ATP8B4: variants seen among roughly 807,000 people sequenced by gnomAD.
ATP8B4 encodes ATPase phospholipid transporting 8B4 (putative).
A neutral mutation model predicts 145.6 loss-of-function variants in ATP8B4; 133 were observed. That is an observed-to-expected ratio of 0.91 (90% CI 0.79 to 1.05). The LOEUF (loss-of-function observed/expected upper bound fraction) is 1.05, where lower values mean the gene tolerates loss of function less well. ATP8B4 is among the 50% of genes least tolerant of loss of function. The pLI, the probability that ATP8B4 is intolerant of heterozygous loss-of-function variation, is 0.00. For missense variants in ATP8B4, 1,458 were observed against 1,425.2 expected (o/e 1.02, Z -0.37); for synonymous variants, 507 against 492.9 (o/e 1.03, Z -0.38).
chr15:49,925,511 G>A (rs1268301222), intron 16 of ATP8B4, among the ~76,000 whole-genome samples: 1 of 152,094 alleles, frequency 6.6e-6, no homozygotes, highest in Non-Finnish European at 1.5e-5. Flanking sequence ...AGTTCCCTAA[G>A]GTTCCCTGGA....
chr15:50,135,950 T>C (rs1311506130), intron 1 of ATP8B4, among the ~76,000 whole-genome samples: 3 of 152,208 alleles, frequency 2.0e-5, no homozygotes. Flanking sequence ...TCATGTACAT[T>C]TCAATGAAAG....
chr15:49,865,831 CCTGA>C (rs755434307), intron 26 of ATP8B4, among the ~76,000 whole-genome samples: 2 of 152,278 alleles, frequency 1.3e-5, no homozygotes, highest in East Asian at 1.9e-4. Flanking sequence ...GCGCTTGAAC[CCTGA>C]CTGACTAACT....
rs146459140 is a variant in ATP8B4, at chr15:50,073,262, T to C, written c.87+865A>G. 2.0e-4 allele frequency among the ~76,000 whole-genome samples: 30 copies of C among 151,922 alleles called. 2 individuals are homozygous for C. The East Asian group carries it at 5.8e-3, about 30-fold the overall frequency. On this transcript the variant is annotated intron_variant, in intron 3 of 27. Coordinates refer to ENST00000284509, the MANE Select transcript of ATP8B4 (RefSeq NM_024837.4). ...CTCCCTAGGCCCTGACAGGCTCTGCTGTGTGATGTTCCTCTCCCTGAGTCC... is the reference window on the plus strand; with the variant it reads ...CTCCCTAGGCCCTGACAGGCTCTGCCGTGTGATGTTCCTCTCCCTGAGTCC...
chr15:49,955,633 A>G (rs888965636), intron 14 of ATP8B4, among the ~76,000 whole-genome samples: 3 of 152,234 alleles, frequency 2.0e-5, no homozygotes, highest in African/African-American at 7.2e-5. Flanking sequence ...AATGTCCATG[A>G]ATAGACAAAC....
chr15:49,969,292 G>C (rs2044855855), intron 13 of ATP8B4, among the ~76,000 whole-genome samples: 1 of 152,114 alleles, frequency 6.6e-6, no homozygotes. Context: ...AATGGAAGGA[G>C]ATAGAGACAC....
chr15:49,912,593 AAAG>A (rs1239760873), intron 20 of ATP8B4, among the ~76,000 whole-genome samples: 2 of 152,170 alleles, frequency 1.3e-5, no homozygotes, highest in Non-Finnish European at 2.9e-5. Context: ...CCAAACATGT[AAAG>A]AAGAATTACT....
chr15:50,178,512 G>A (rs1199700478), intron 1 of ATP8B4, among the ~76,000 whole-genome samples: 1 of 152,144 alleles, frequency 6.6e-6, no homozygotes, highest in East Asian at 1.9e-4. Context: ...CTGTTTGTGA[G>A]AATTTGTAAG....
At chr15:50,145,067 T>C (rs62020269) in intron 1 of ATP8B4, among the ~76,000 whole-genome samples, 11,524 of 152,272 alleles carry the variant, frequency 0.076, 647 homozygotes, top group East Asian at 0.19. Flanking sequence ...TGGTATTACC[T>C]CTACAATCCC....
chr15:49,924,919 T>C (rs2040580533), intron 16 of ATP8B4, among the ~76,000 whole-genome samples: 1 of 152,200 alleles, frequency 6.6e-6, no homozygotes, highest in Admixed American at 6.5e-5. Flanking sequence ...TGTACAATAA[T>C]CCAATTGAAT....
At chr15:50,028,341 T>C (rs2050166496) in intron 6 of ATP8B4, among the ~76,000 whole-genome samples, 1 of 152,196 alleles carries the variant, frequency 6.6e-6, no homozygotes, top group Admixed American at 6.5e-5. Flanking sequence ...TAACATGGAA[T>C]AAGGAAATAG....
chr15:50,095,110 A>T (rs1028145498), intron 2 of ATP8B4, among the ~76,000 whole-genome samples: 1 of 152,188 alleles, frequency 6.6e-6, no homozygotes, highest in Non-Finnish European at 1.5e-5. Context: ...GTTCTAGAAC[A>T]AAGTGACACA....
chr15:50,114,153 A>T (rs1238861551), intron 1 of ATP8B4, among the ~76,000 whole-genome samples: 1 of 118,176 alleles, frequency 8.5e-6, no homozygotes, highest in Admixed American at 1.1e-4. Context: ...ATTGGGAAAC[A>T]GTTTGGTTAC....
Position 49,972,705 on chromosome 15 carries a change from C to G in ATP8B4, c.1120G>C (p.Ala374Pro). ...YYSRKAIPAV[A>P]RTTTLNEELG... is the part of the protein sequence containing the mutation. ...TCCTCATTGAGCGTGGTCGTTCGAG[C>G]CACTGCAGGTATTGCTTTTCGAGAA... The change falls in exon 13 of 28, where the codon GCT becomes CCT. Residue 374 changes from alanine (A) to proline (P), a missense_variant. Physicochemically the swap from Ala to Pro is conservative, Grantham distance 27. Transcript: ENST00000284509. The G allele has an allele frequency of 6.2e-7, 1 of 1,613,982 alleles. No individual in the cohort carries two copies. The highest frequency in any genetic ancestry group is 8.5e-7 in the Non-Finnish European group (1 of 1,179,978).
chr15:50,177,450 G>A (rs919157038), intron 1 of ATP8B4, among the ~76,000 whole-genome samples: 2 of 152,210 alleles, frequency 1.3e-5, no homozygotes, highest in African/African-American at 4.8e-5. Context: ...CTATGCGATG[G>A]GTTTATAAGT....
chr15:50,138,381 A>G (rs1267264344), intron 1 of ATP8B4, among the ~76,000 whole-genome samples: 1 of 108,976 alleles, frequency 9.2e-6, no homozygotes, highest in African/African-American at 4.9e-5. Context: ...TAGGCAGTCC[A>G]TGATAGACAG....
intron 2 of ATP8B4, among the ~76,000 whole-genome samples, 162 bp from the exon 3 acceptor site, chr15:50,074,347 T>C (rs1292956643): frequency 6.6e-6 from 1 of 152,232 alleles, no homozygotes; most frequent in Non-Finnish European, 1.5e-5. Flanking sequence ...TGTTGGAACA[T>C]GTGTTGTAAA....
At chr15:50,166,125 A>G (rs2044595762) in intron 1 of ATP8B4, among the ~76,000 whole-genome samples, 2 of 152,220 alleles carry the variant, frequency 1.3e-5, no homozygotes, top group South Asian at 4.1e-4. Context: ...CAATAGAGTG[A>G]TATCTTGAAA....
At chr15:50,129,787 A>G (rs957620025) in intron 1 of ATP8B4, among the ~76,000 whole-genome samples, 4 of 151,996 alleles carry the variant, frequency 2.6e-5, no homozygotes, top group Non-Finnish European at 4.4e-5. Flanking sequence ...GTCGCTACTA[A>G]AAATACAAAA....
intron 23 of ATP8B4, chr15:49,880,318 G>A (rs769029748): frequency 2.0e-5 from 3 of 152,168 alleles, no homozygotes; most frequent in Non-Finnish European, 4.4e-5. Flanking sequence ...TTCTGAAACA[G>A]CTGGAAATGC....
Sources: allele counts gnomAD v4.1 joint callset (sites outside exome capture counted in the v4.1 genomes callset), GRCh38; gene constraint gnomAD v4.1.1; transcripts MANE v1.5; gene names NCBI Gene and HGNC (gene_info 2026-07-23, HGNC 2026-07-21).